GNAQ: variants seen among roughly 807,000 people sequenced by gnomAD.
GNAQ encodes the protein G protein subunit alpha q.
GNAQ carries 8 observed loss-of-function variants against 43.9 expected under a neutral mutation model. The observed-to-expected ratio is 0.18, with a 90% CI of 0.11 to 0.33. GNAQ has a LOEUF of 0.33. Ranked by LOEUF, GNAQ falls within the 10% of genes least tolerant of loss-of-function variation. The pLI is 1.00. For missense variants in GNAQ, 158 were observed against 450.8 expected, an observed-to-expected ratio of 0.35 and a Z score of 5.88; for synonymous variants, 155 against 170.7, an observed-to-expected ratio of 0.91 and a Z score of 0.71.
chr9:78,012,579 T>A (rs1823787355), intron 1 of GNAQ, among the ~76,000 whole-genome samples: 1 of 152,066 alleles, frequency 6.6e-6, no homozygotes, highest in African/African-American at 2.4e-5. Context: ...TAAAAACCTA[T>A]CTGAAGGTAT....
chr9:77,984,140 T>C (rs1423924667), intron 1 of GNAQ, among the ~76,000 whole-genome samples: 1 of 150,134 alleles, frequency 6.7e-6, no homozygotes, highest in Non-Finnish European at 1.5e-5. Context: ...TGAATTTTAG[T>C]TGAAGTACGT....
At chr9:77,772,533 T>C (rs1826242055) in intron 5 of GNAQ, among the ~76,000 whole-genome samples, 1 of 151,998 alleles carries the variant, frequency 6.6e-6, no homozygotes, top group South Asian at 2.1e-4. Context: ...CATTTTGGAG[T>C]GGAATAGAAA....
intron 2 of GNAQ, among the ~76,000 whole-genome samples, chr9:77,858,312 T>C (rs922775332): frequency 6.6e-6 from 1 of 152,160 alleles, no homozygotes; most frequent in Admixed American, 6.5e-5. Flanking sequence ...TTCAATACAA[T>C]ACGTAGTCTG....
intron 3 of GNAQ, among the ~76,000 whole-genome samples, chr9:77,804,625 C>G (rs1313944462): frequency 6.6e-6 from 1 of 152,160 alleles, no homozygotes; most frequent in Non-Finnish European, 1.5e-5. Context: ...AAATTTCATG[C>G]AAATCCAACC....
intron 1 of GNAQ, among the ~76,000 whole-genome samples, chr9:77,946,897 G>A (rs1822910483): frequency 6.6e-6 from 1 of 152,174 alleles, no homozygotes; most frequent in South Asian, 2.1e-4. Context: ...AAAAATACAG[G>A]TAGAGCCCTT....
chr9:78,024,404 T>A (rs1164099266), intron 1 of GNAQ, among the ~76,000 whole-genome samples: 1 of 152,194 alleles, frequency 6.6e-6, no homozygotes, highest in Admixed American at 6.5e-5. Context: ...CTTTTTGGAA[T>A]CCAGCTTTCC....
At chr9:77,817,234 C>T (rs1827032950) in intron 2 of GNAQ, among the ~76,000 whole-genome samples, 2 of 152,188 alleles carry the variant, frequency 1.3e-5, no homozygotes, top group South Asian at 4.1e-4. Flanking sequence ...CAATGAATCC[C>T]CACTGCTGTG....
intron 2 of GNAQ, among the ~76,000 whole-genome samples, chr9:77,832,327 G>C (rs1827312649): frequency 6.6e-6 from 1 of 152,132 alleles, no homozygotes; most frequent in African/African-American, 2.4e-5. Flanking sequence ...TATTCACAAA[G>C]TGGTCTGGTT....
chr9:77,860,657 T>C (rs1014273759), intron 2 of GNAQ, among the ~76,000 whole-genome samples: 39 of 152,184 alleles, frequency 2.6e-4, no homozygotes, highest in Admixed American at 1.3e-4. Flanking sequence ...GCAGTAATAC[T>C]CAGGCAGTGA....
chr9:77,922,174 T>C lies in GNAQ; in HGVS notation c.308A>G (p.Tyr103Cys), dbSNP rs77227613. 1 of 1,612,740 alleles carries C rather than the reference T, an allele frequency of 6.2e-7. No homozygotes were observed. Among genetic ancestry groups the C allele is most frequent in the Non-Finnish European group, 8.5e-7 (1 of 1,178,824 alleles). ...AMDTLKIPYK[Y>C]EHNKAHAQLV... The stretch of plus-strand genomic sequence containing the variant: ...AGTCGCACCTACCTTATTGTGCTCA[T>C]ACTTGTATGGGATCTTGAGTGTGTC... The change falls in exon 2 of 7, where the codon TAT (tyrosine) becomes TGT (cysteine). Residue 103 changes from tyrosine (Y) to cysteine (C), a missense_variant. Tyr to Cys is a radical substitution (Grantham distance 194). Around this residue, in one of 9 missense-constraint regions of GNAQ, gnomAD observed 57 missense variants for 78.2 expected, o/e 0.73. Transcript: ENST00000286548.
intron 2 of GNAQ, among the ~76,000 whole-genome samples, chr9:77,825,337 C>T (rs1275795620): frequency 6.6e-6 from 1 of 152,174 alleles, no homozygotes; most frequent in Admixed American, 6.5e-5. Context: ...AAGACTGCTT[C>T]AGCCTTCATT....
intron 2 of GNAQ, among the ~76,000 whole-genome samples, chr9:77,861,169 C>T (rs1827843876): frequency 6.6e-6 from 1 of 152,126 alleles, no homozygotes; most frequent in Non-Finnish European, 1.5e-5. Flanking sequence ...AGAGAGAGAG[C>T]TTGAGCAGGG....
intron 3 of GNAQ, among the ~76,000 whole-genome samples, chr9:77,806,864 G>A (rs547531962): frequency 6.6e-6 from 1 of 152,112 alleles, no homozygotes; most frequent in Non-Finnish European, 1.5e-5. Flanking sequence ...GAAGAAAAAC[G>A]TGTTATAAAT....
chr9:77,931,755 T>C (rs954346005), intron 1 of GNAQ, among the ~76,000 whole-genome samples: 5 of 152,220 alleles, frequency 3.3e-5, no homozygotes, highest in African/African-American at 1.2e-4. Flanking sequence ...CTTGGGTAAA[T>C]TACCTGTCCT....
chr9:77,985,690 G>A (rs1054256904), intron 1 of GNAQ, among the ~76,000 whole-genome samples: 7 of 152,132 alleles, frequency 4.6e-5, no homozygotes, highest in East Asian at 1.9e-4. Context: ...GGGTTCAAGC[G>A]ATTCTCCTGC....
intron 1 of GNAQ, among the ~76,000 whole-genome samples, chr9:78,023,909 A>T (rs557982080): frequency 8.1e-6 from 1 of 123,670 alleles, no homozygotes; most frequent in East Asian, 1.9e-4. Context: ...TGGGTCAATT[A>T]TGTGTGTATA....
intron 5 of GNAQ, among the ~76,000 whole-genome samples, chr9:77,765,853 G>A (rs577060741): frequency 9.9e-5 from 15 of 152,278 alleles, no homozygotes; most frequent in African/African-American, 2.4e-4. Context: ...GTGGATGACT[G>A]GATAAACAAA....
At chr9:78,019,923 C>CAAAAAAAAAA (rs34222702) in intron 1 of GNAQ, among the ~76,000 whole-genome samples, 2 of 94,070 alleles carry the variant, frequency 2.1e-5, no homozygotes, top group Non-Finnish European at 4.2e-5. Flanking sequence ...GACTCCATCT[C>CAAAAAAAAAA]AAAAAAAAAA....
chr9:78,000,372 C>T (rs957886798), intron 1 of GNAQ, among the ~76,000 whole-genome samples: 1 of 152,142 alleles, frequency 6.6e-6, no homozygotes, highest in African/African-American at 2.4e-5. Flanking sequence ...ACACACATAT[C>T]ATTAAGAAAG....
Sources: gnomAD v4.1 joint callset for allele counts (sites outside exome capture counted in the v4.1 genomes callset) on GRCh38, gnomAD v4.1.1 for gene constraint, gnomAD v4.1.1 regional missense constraint, MANE v1.5 for transcripts, NCBI Gene and HGNC (gene_info 2026-07-23, HGNC 2026-07-21) for gene names.